SLC1A6: variants seen among roughly 807,000 people sequenced by gnomAD.
SLC1A6 encodes the protein solute carrier family 1 member 6, also known as excitatory amino acid transporter 4.
In SLC1A6, 15 loss-of-function variants were observed where a neutral mutation model predicts 42.1. The ratio of observed to expected loss-of-function variants is 0.36; its 90% CI spans 0.24 to 0.55. The LOEUF is 0.55. Ranked by LOEUF, SLC1A6 falls within the 20% of genes least tolerant of loss-of-function variation. The pLI, the probability that SLC1A6 is intolerant of heterozygous loss-of-function variation, is 0.88. For missense variants in SLC1A6, 542 were observed against 772.5 expected (o/e 0.70, Z 3.54); for synonymous variants, 317 against 319.7 (o/e 0.99, Z 0.09).
chr19:14,979,080 A>G lies in SLC1A6; in HGVS notation c.-8+229T>C, dbSNP rs1251478415. On this transcript the variant is annotated intron_variant, in intron 1 of 9. Transcript: ENST00000594383. The surrounding 1 kb of genome is among the most constrained non-coding windows in gnomAD (Gnocchi z 4.2). ...CACACACACACACACACACACACAC[A>G]CACACACACACACACACTAATGCCC... Among the ~76,000 whole-genome samples, 1 of 150,846 alleles carries G rather than the reference A, an allele frequency of 6.6e-6. No individual in the cohort carries two copies. Among genetic ancestry groups the G allele is most frequent in the African/African-American group, 2.5e-5 (1 of 40,812 alleles).
intron 4 of SLC1A6, 64 bp downstream of exon 4, chr19:14,968,239 C>T: frequency 7.4e-7 from 1 of 1,344,954 alleles, no homozygotes; most frequent in Non-Finnish European, 1.0e-6. Context: ...AGGCTATAAT[C>T]TTTTACAATA....
chr19:14,957,869 A>C (rs891817133), intron 6 of SLC1A6, among the ~76,000 whole-genome samples: 2 of 152,202 alleles, frequency 1.3e-5, no homozygotes, highest in African/African-American at 4.8e-5. Flanking sequence ...TATCTGGAAG[A>C]AATCATTGCA....
In SLC1A6 at chr19:14,962,163, G is replaced by C. The variant is rs148368814; in HGVS notation, c.774C>G (p.Pro258=). The change falls in exon 6 of 10, where the codon CCC becomes CCG. Residue 258 remains proline, a synonymous_variant. Coordinates refer to ENST00000594383, the MANE Select transcript of SLC1A6 (RefSeq NM_005071.3). ...QEMLSFEETV[P]VPGSANGINA... is the part of the protein sequence containing the mutation. ...TGATGCCATTGGCGGAGCCAGGCAC[G>C]GGTACAGTCTCCTCAAAGCTCAGCA... 1 of 1,614,052 alleles carries C rather than the reference G, an allele frequency of 6.2e-7. No homozygotes were observed. The highest frequency in any genetic ancestry group is 1.3e-5 in the African/African-American group (1 of 74,912).
At chr19:14,992,657 C>CA (rs35913323) in intron 1 of SLC1A6, among the ~76,000 whole-genome samples, 16,823 of 137,448 alleles carry the variant, frequency 0.12, 1,059 homozygotes, top group East Asian at 0.2. Context: ...GACTCTGTCT[C>CA]AAAAAAAAAA....
At chr19:14,955,054 G>A (rs1032822340) in intron 7 of SLC1A6, among the ~76,000 whole-genome samples, 5 of 152,114 alleles carry the variant, frequency 3.3e-5, no homozygotes, top group African/African-American at 9.7e-5. Flanking sequence ...ATTGATTGGC[G>A]AGTTTAGTCA....
At chr19:15,005,111 T>G (rs1395039886) in intron 1 of SLC1A6, among the ~76,000 whole-genome samples, 1 of 151,938 alleles carries the variant, frequency 6.6e-6, no homozygotes, top group African/African-American at 2.4e-5. Flanking sequence ...CATTTTTAAA[T>G]TAGCCAGGCA....
At chr19:14,951,078 C>CAAAAA (rs59828742) in intron 9 of SLC1A6, among the ~76,000 whole-genome samples, 26 of 79,778 alleles carry the variant, frequency 3.3e-4, no homozygotes, top group African/African-American at 9.5e-4. Context: ...ACTAAAAATA[C>CAAAAA]AAAAAAAAAA....
At chr19:14,970,578 GCGGGTGC>G (rs1185156873) in intron 3 of SLC1A6, among the ~76,000 whole-genome samples, 42 of 152,112 alleles carry the variant, frequency 2.8e-4, no homozygotes, top group African/African-American at 9.6e-4. Flanking sequence ...GGGCATGGTG[GCGGGTGC>G]CTGTAGTTCC....
chr19:14,954,406 G>T, intron 7 of SLC1A6, 77 bp from the exon 8 acceptor site: 1 of 1,340,070 alleles, frequency 7.5e-7, no homozygotes, highest in Admixed American at 1.7e-5. Flanking sequence ...GTGGCCTAGT[G>T]GGGCAGGGCA....
chr19:14,993,986 T>C (rs987244219), intron 1 of SLC1A6, among the ~76,000 whole-genome samples: 3 of 152,184 alleles, frequency 2.0e-5, no homozygotes, highest in African/African-American at 7.2e-5. Flanking sequence ...CACTAGAAGC[T>C]AGCGGGCCTT....
intron 1 of SLC1A6, among the ~76,000 whole-genome samples, chr19:14,990,000 A>G (rs566060350): frequency 6.6e-6 from 1 of 152,220 alleles, no homozygotes; most frequent in South Asian, 2.1e-4. Context: ...TCGAAAAAAT[A>G]GAAGAACAGT....
At chr19:14,990,830 A>G (rs2045816652) in intron 1 of SLC1A6, among the ~76,000 whole-genome samples, 1 of 152,170 alleles carries the variant, frequency 6.6e-6, no homozygotes, top group African/African-American at 2.4e-5. Flanking sequence ...CTGTTGTACA[A>G]CATGGTGACT....
At chr19:14,964,948 G>A (rs967745767) in intron 4 of SLC1A6, among the ~76,000 whole-genome samples, 1 of 151,936 alleles carries the variant, frequency 6.6e-6, no homozygotes, top group African/African-American at 2.4e-5. Context: ...TTGATGTGGG[G>A]GAAAGGGGAC....
At chr19:14,996,842 C>A (rs189375005) in intron 1 of SLC1A6, among the ~76,000 whole-genome samples, 1 of 152,166 alleles carries the variant, frequency 6.6e-6, no homozygotes, top group East Asian at 1.9e-4. Context: ...GTCTACTCTC[C>A]ATCCTTCTCC....
At chr19:14,958,565 G>A (rs1424575386) in intron 6 of SLC1A6, among the ~76,000 whole-genome samples, 1 of 152,098 alleles carries the variant, frequency 6.6e-6, no homozygotes, top group Non-Finnish European at 1.5e-5. Context: ...TCCAAACTGG[G>A]CTCAGAGTTA....
At chr19:14,977,409 C>A in intron 1 of SLC1A6, 1 of 152,282 alleles carries the variant, frequency 6.6e-6, no homozygotes. Flanking sequence ...ATTGTACGGG[C>A]CACAAAGCTC....
In SLC1A6 at chr19:14,979,050, TCACACACACACACACA is replaced by T. The variant is rs56317513; in HGVS notation, c.-8+243_-8+258del. Among the ~76,000 whole-genome samples the T allele has an allele frequency of 6.9e-4, 91 of 131,396 alleles. 1 individual carries two copies. The highest frequency in any genetic ancestry group is 1.1e-3 in the South Asian group (4 of 3,594). 86.2% of individuals were successfully genotyped at this position (131,396 alleles called of 152,430 possible). A position where few individuals can be genotyped will look rare whatever the true frequency, so the allele number is the denominator to read the frequency against. ...CAAATTCAGTCTCTCTCTCTCTCTG[TCACACACACACACACA>T]CACACACACACACACACACACACAC... On this transcript the variant is annotated intron_variant, in intron 1 of 9. Transcript: ENST00000594383. The surrounding 1 kb of genome is among the most constrained non-coding windows in gnomAD (Gnocchi z 4.2).
In SLC1A6 at chr19:14,972,804, C is replaced by T. The variant is rs372266621; in HGVS notation, c.107G>A (p.Arg36His). The part of the protein sequence containing the change: ...LQESLQQRAL[R>H]TRLRLQTMTL... ...CATGGTCTGCAGGCGCAGGCGCGTG[C>T]GCAGTGCTCTCTGCTGCAGGCTTTC... The change falls in exon 2 of 10, where the codon CGC becomes CAC. Residue 36 changes from arginine (R) to histidine (H), a missense_variant. Arg to His is a conservative substitution (Grantham distance 29). This residue lies in a region of SLC1A6 where 88 missense variants were observed against 85.5 expected (regional missense o/e 1.03). Transcript: ENST00000594383. 124 of 1,612,460 alleles carry T rather than the reference C, an allele frequency of 7.7e-5. No individual in the cohort carries two copies. The highest frequency in any genetic ancestry group is 1.0e-4 in the Non-Finnish European group (118 of 1,179,548).
At position 14,950,363 on chromosome 19, in the gene SLC1A6, T is replaced by G; in HGVS notation, c.1527A>C (p.Val509=). 6.3e-7 allele frequency: 1 copy of G among 1,595,750 alleles called. No individual in the cohort carries two copies. Among genetic ancestry groups the G allele is most frequent in the South Asian group, 1.1e-5 (1 of 88,742 alleles). ...FLDRLRTMTN[V]LGDSIGAAVI... ...CGGCCGCTCCAATTGAGTCCCCCAGTACGTTGGTCATTGTGCGAAGCCGGT... is the reference window on the plus strand; with the variant it reads ...CGGCCGCTCCAATTGAGTCCCCCAGGACGTTGGTCATTGTGCGAAGCCGGT... Residue 509 remains valine (V), a synonymous_variant, in exon 10 of 10, where the codon GTA becomes GTC. Transcript: ENST00000594383.
Sources: allele counts gnomAD v4.1 joint callset (sites outside exome capture counted in the v4.1 genomes callset), GRCh38; gene constraint gnomAD v4.1.1; regional missense constraint gnomAD v4.1.1; non-coding constraint Gnocchi (gnomAD v3.1); transcripts MANE v1.5; gene names NCBI Gene and HGNC (gene_info 2026-07-23, HGNC 2026-07-21).